The following TRHDE variants were observed in gnomAD, a reference collection of about 807,000 sequenced individuals.
TRHDE encodes the protein thyrotropin-releasing hormone-degrading ectoenzyme.
TRHDE carries 72 observed loss-of-function variants against 125.7 expected under a neutral mutation model. The ratio of observed to expected loss-of-function variants is 0.57; its 90% CI spans 0.47 to 0.70. The LOEUF (loss-of-function observed/expected upper bound fraction) is 0.70, where lower values mean the gene tolerates loss of function less well. Among genes scored for constraint, TRHDE ranks in the 30% least tolerant of loss-of-function variants. The probability of loss-of-function intolerance (pLI) is 0.00; values close to 1 mark genes in which losing one functional copy is unlikely to be tolerated. For missense variants in TRHDE, 1,110 were observed against 1,327.1 expected (o/e 0.84, Z 2.54); for synonymous variants, 509 against 509.1 (o/e 1.00, Z 0.00).
intron 3 of TRHDE, among the ~76,000 whole-genome samples, chr12:72,429,104 A>G (rs1874314491): frequency 6.6e-6 from 1 of 152,056 alleles, no homozygotes; most frequent in South Asian, 2.1e-4. Context: ...TCAGAAAACC[A>G]AACACTGCAT....
At chr12:72,445,067 T>C (rs1875210444) in intron 3 of TRHDE, among the ~76,000 whole-genome samples, 1 of 151,862 alleles carries the variant, frequency 6.6e-6, no homozygotes, top group Admixed American at 6.6e-5. Context: ...TTCTAAGACG[T>C]CTTAACAAGT....
chr12:72,582,238 G>T (rs760937660), intron 12 of TRHDE: 46 of 980,876 alleles, frequency 4.7e-5, no homozygotes, highest in Middle Eastern at 5.2e-4. Context: ...TTATACATTT[G>T]AGATATATTA....
intron 2 of TRHDE, among the ~76,000 whole-genome samples, chr12:72,313,519 C>T (rs565443490): frequency 2.0e-5 from 3 of 151,852 alleles, no homozygotes; most frequent in Non-Finnish European, 4.4e-5. Flanking sequence ...ATTAAAAGGG[C>T]GTTATAATTT....
intron 6 of TRHDE, among the ~76,000 whole-genome samples, chr12:72,511,225 C>T (rs1344866967): frequency 1.3e-5 from 2 of 152,172 alleles, no homozygotes; most frequent in Admixed American, 6.5e-5. Context: ...ATATTAACTT[C>T]ACGTTACATA....
intron 3 of TRHDE, among the ~76,000 whole-genome samples, chr12:72,444,674 A>G (rs1401723489): frequency 2.0e-5 from 3 of 151,912 alleles, no homozygotes; most frequent in African/African-American, 4.8e-5. Flanking sequence ...TAATAATTTA[A>G]TAAGATTAAA....
At chr12:72,097,690 A>T (rs1056879003) in intron 1 of TRHDE, among the ~76,000 whole-genome samples, 1 of 151,952 alleles carries the variant, frequency 6.6e-6, no homozygotes, top group African/African-American at 2.4e-5. Flanking sequence ...GCCTCAAGCA[A>T]TCCTCCTGCT....
chr12:72,518,485 T>C (rs941142299), intron 6 of TRHDE, among the ~76,000 whole-genome samples: 6 of 152,160 alleles, frequency 3.9e-5, no homozygotes, highest in African/African-American at 4.8e-5. Flanking sequence ...TTTTTTAGTT[T>C]TCCATTTGCT....
At chr12:72,576,525 T>C (rs1388717599) in intron 12 of TRHDE, among the ~76,000 whole-genome samples, 2 of 152,160 alleles carry the variant, frequency 1.3e-5, no homozygotes, top group Non-Finnish European at 2.9e-5. Context: ...GAAGACTTGA[T>C]AATTACTTTG....
At chr12:72,167,704 A>T (rs1457128370) in intron 2 of TRHDE, 1 of 152,176 alleles carries the variant, frequency 6.6e-6, no homozygotes, top group African/African-American at 2.4e-5. Flanking sequence ...CAGATGTGTT[A>T]TTTACTTTAA....
Position 72,664,224 on chromosome 12 carries a change from CTT to C in TRHDE, c.*1030_*1031del, listed in dbSNP as rs1218792235. On this transcript the variant is annotated 3_prime_UTR_variant, in exon 19 of 19. Transcript: ENST00000261180. ...CTTTTGCATGAAACAATTATGCAAACTTATAATTATTAGTGCTGAAAAAGAGT... is the reference window on the plus strand; with the variant it reads ...CTTTTGCATGAAACAATTATGCAAACATAATTATTAGTGCTGAAAAAGAGT... 2 of 152,480 alleles carry C rather than the reference CTT, an allele frequency of 1.3e-5. No homozygotes were observed. The highest frequency in any genetic ancestry group is 1.3e-4 in the Admixed American group (2 of 15,252). 9.4% of individuals were successfully genotyped at this position (152,480 alleles called of 1,614,324 possible). A position where few individuals can be genotyped will look rare whatever the true frequency, so the allele number is the denominator to read the frequency against.
chr12:72,309,670 A>G (rs998679712), intron 2 of TRHDE: 4 of 134,768 alleles, frequency 3.0e-5, no homozygotes, highest in African/African-American at 1.0e-4. Flanking sequence ...AGAAAAAAAT[A>G]TAAAAGGGTG....
chr12:72,286,535 C>A (rs1247851594), intron 1 of TRHDE, 146 bp from the exon 2 acceptor site: 6 of 707,330 alleles, frequency 8.5e-6, no homozygotes, highest in South Asian at 3.8e-5. Context: ...ATTATGCTTT[C>A]ATGCTATTCA....
chr12:72,239,590 G>A (rs1878434190), intron 2 of TRHDE, among the ~76,000 whole-genome samples: 2 of 152,210 alleles, frequency 1.3e-5, no homozygotes, highest in African/African-American at 4.8e-5. Flanking sequence ...TGTGGACTGT[G>A]AGAAAGAGAG....
Position 72,604,878 on chromosome 12 carries a change from C to G in TRHDE, c.2322-14013C>G, listed in dbSNP as rs534308067. Among the ~76,000 whole-genome samples, 212 of 151,996 alleles carry G rather than the reference C, an allele frequency of 1.4e-3. 2 individuals carry two copies. The highest frequency in any genetic ancestry group is 4.8e-3 in the African/African-American group (199 of 41,496). The stretch of plus-strand genomic sequence containing the variant: ...ACTATTAGAACATGGTAAATCTATA[C>G]CATTAATGTCTTCTAATTGTTAATC... On this transcript the variant is annotated intron_variant, in intron 12 of 18. Coordinates refer to ENST00000261180, the MANE Select transcript of TRHDE (RefSeq NM_013381.3).
At chr12:72,309,683 T>G (rs1465614078) in intron 2 of TRHDE, 2 of 46,456 alleles carry the variant, frequency 4.3e-5, no homozygotes, top group Non-Finnish European at 1.5e-4. Context: ...AAAGGGTGTG[T>G]TTTTTTTTTC....
intron 12 of TRHDE, among the ~76,000 whole-genome samples, chr12:72,577,808 T>C (rs1377767023): frequency 1.3e-5 from 2 of 152,190 alleles, no homozygotes; most frequent in African/African-American, 4.8e-5. Context: ...TCAATTACAA[T>C]TTTGGGAGCC....
chr12:72,154,319 C>T (rs1341464488), intron 2 of TRHDE, among the ~76,000 whole-genome samples: 1 of 152,158 alleles, frequency 6.6e-6, no homozygotes, highest in Non-Finnish European at 1.5e-5. Flanking sequence ...TTCCTGAATA[C>T]AGCACACTGA....
intron 12 of TRHDE, among the ~76,000 whole-genome samples, chr12:72,613,005 C>T (rs1215056127): frequency 1.3e-5 from 2 of 152,178 alleles, no homozygotes; most frequent in South Asian, 2.1e-4. Context: ...ATATAAATTG[C>T]AAAATAAATG....
intron 15 of TRHDE, among the ~76,000 whole-genome samples, chr12:72,637,088 C>T (rs2136093768): frequency 6.6e-6 from 1 of 152,204 alleles, no homozygotes; most frequent in African/African-American, 2.4e-5. Flanking sequence ...GTACCAGTTC[C>T]TCCTTGTACC....
Sources: allele counts gnomAD v4.1 joint callset (sites outside exome capture counted in the v4.1 genomes callset), GRCh38; gene constraint gnomAD v4.1.1; transcripts MANE v1.5; gene names NCBI Gene and HGNC (gene_info 2026-07-23, HGNC 2026-07-21).